KIAA0753: variants seen among roughly 807,000 people sequenced by gnomAD.
The protein encoded by KIAA0753 is protein moonraker.
KIAA0753 carries 114 observed loss-of-function variants against 116.9 expected under a neutral mutation model. The observed-to-expected ratio is 0.98, with a 90% CI of 0.84 to 1.14. The LOEUF is 1.14. KIAA0753 is among the 50% of genes most tolerant of loss of function. The probability of loss-of-function intolerance (pLI) is 0.00; values close to 1 mark genes in which losing one functional copy is unlikely to be tolerated. For synonymous variants in KIAA0753, 405 were observed against 413.1 expected (o/e 0.98, Z 0.24); for missense variants, 1,156 against 1,172.4 (o/e 0.99, Z 0.20).
intron 1 of KIAA0753, chr17:6,640,059 C>A (rs952904829): frequency 6.5e-6 from 1 of 152,868 alleles, no homozygotes; most frequent in African/African-American, 2.4e-5. Flanking sequence ...CGGCTGTCTC[C>A]GCCGCTTGTC....
intron 16 of KIAA0753, 28 bp from the exon 17 acceptor site, chr17:6,590,658 G>A: frequency 6.2e-7 from 1 of 1,611,774 alleles, no homozygotes; most frequent in Non-Finnish European, 8.5e-7. Flanking sequence ...TAAAATGACT[G>A]CATATAAAGA....
chr17:6,639,791 T>G lies in KIAA0753; in HGVS notation c.-69+846A>C, dbSNP rs1972545831. ...TCCCCACATCCCGAGGCGGCCCTCA[T>G]AGCCTGCACCTTCAGCCACAGGTGC... On this transcript the variant is annotated intron_variant, in intron 1 of 18. Coordinates refer to ENST00000361413, the MANE Select transcript of KIAA0753 (RefSeq NM_014804.3). This position sits in a 1 kb window ranked among gnomAD's most constrained non-coding sequence, Gnocchi z 4.3. The G allele has an allele frequency of 6.6e-6, 1 of 152,658 alleles. No individual in the cohort carries two copies. The highest frequency in any genetic ancestry group is 1.5e-5 in the Non-Finnish European group (1 of 68,108). 9.5% of individuals were successfully genotyped at this position (152,658 alleles called of 1,614,324 possible).
intron 16 of KIAA0753, among the ~76,000 whole-genome samples, chr17:6,592,129 TGGA>T (rs1969114703): frequency 6.6e-6 from 1 of 152,112 alleles, no homozygotes; most frequent in South Asian, 2.1e-4. Flanking sequence ...AAATAGAGGC[TGGA>T]GGAGGATTGA....
intron 18 of KIAA0753, among the ~76,000 whole-genome samples, chr17:6,583,817 C>T (rs181675607): frequency 3.3e-5 from 5 of 152,216 alleles, no homozygotes; most frequent in Admixed American, 6.5e-5. Flanking sequence ...TTGTATCTGC[C>T]GTAGGTCTGT....
rs190190456 is a variant in KIAA0753, at chr17:6,625,621, C to T, written c.719-760G>A. ...GGCGGAGGTTGCAGTGAGCTGAGAT[C>T]GCACCACTACACTCCAGCCTGGGTG... On this transcript the variant is annotated intron_variant, in intron 3 of 18. Transcript: ENST00000361413. Among the ~76,000 whole-genome samples, 52 of 151,646 alleles carry T rather than the reference C, an allele frequency of 3.4e-4. No homozygotes were observed. The East Asian group carries it at 7.2e-3, about 21-fold the overall frequency.
At chr17:6,602,520 G>A (rs1300810864) in intron 12 of KIAA0753, among the ~76,000 whole-genome samples, 1 of 152,184 alleles carries the variant, frequency 6.6e-6, no homozygotes, top group African/African-American at 2.4e-5. Context: ...ACACAATGGG[G>A]TAGATCTTGA....
intron 12 of KIAA0753, among the ~76,000 whole-genome samples, chr17:6,602,268 AT>A: frequency 6.6e-6 from 1 of 152,360 alleles, no homozygotes; most frequent in African/African-American, 2.4e-5. Flanking sequence ...ACTCCTAGGC[AT>A]TTACCCAAGA....
chr17:6,610,560 G>GCC (rs1970475140), intron 8 of KIAA0753, among the ~76,000 whole-genome samples: 1 of 102,912 alleles, frequency 9.7e-6, no homozygotes, highest in African/African-American at 3.9e-5. Context: ...TTGCTCTGTT[G>GCC]CCTAGGCTGG....
At chr17:6,626,902 T>G (rs1971702469) in intron 3 of KIAA0753, among the ~76,000 whole-genome samples, 1 of 152,232 alleles carries the variant, frequency 6.6e-6, no homozygotes, top group Non-Finnish European at 1.5e-5. Flanking sequence ...GTGGGCCTTG[T>G]GGCTTTGTTC....
In KIAA0753 at chr17:6,578,748, A is replaced by T. The variant is rs1967935243; in HGVS notation, c.*999T>A. 6.6e-6 allele frequency: 1 copy of T among 152,226 alleles called. No homozygotes were observed. The highest frequency in any genetic ancestry group is 2.4e-5 in the African/African-American group (1 of 41,462). The allele number at this position is 152,226 out of a possible 1,614,324, so 9.4% of individuals were successfully genotyped here. A position where few individuals can be genotyped will look rare whatever the true frequency, so the allele number is the denominator to read the frequency against. On this transcript the variant is annotated 3_prime_UTR_variant, in exon 19 of 19. Coordinates refer to ENST00000361413, the MANE Select transcript of KIAA0753 (RefSeq NM_014804.3). Reference sequence around the variant, plus strand: ...CCAGGCAGTGGCCTGATTCTTACGCACATTCCGTTTCTTTTTCTGAATTCA... The same window carrying T: ...CCAGGCAGTGGCCTGATTCTTACGCTCATTCCGTTTCTTTTTCTGAATTCA...
chr17:6,607,497 G>A (rs903864899), intron 10 of KIAA0753, among the ~76,000 whole-genome samples: 29 of 152,152 alleles, frequency 1.9e-4, no homozygotes, highest in Admixed American at 1.4e-3. Context: ...TGTCTCAAAC[G>A]TTCTCAAGAA....
Position 6,590,550 on chromosome 17 carries a change from G to T in KIAA0753, c.2521C>A (p.Pro841Thr), listed in dbSNP as rs761644567. The T allele has an allele frequency of 2.5e-6, 4 of 1,613,962 alleles. No homozygotes were observed. The highest frequency in any genetic ancestry group is 3.4e-6 in the Non-Finnish European group (4 of 1,179,954). The change falls in exon 17 of 19, where the codon CCA (proline) becomes ACA (threonine). Residue 841 changes from proline (P) to threonine (T), a missense_variant. Physicochemically the swap from Pro to Thr is conservative, Grantham distance 38. Coordinates refer to ENST00000361413, the MANE Select transcript of KIAA0753 (RefSeq NM_014804.3). ...RITKTVDRKD[P>T]AVNIMLERPC... The stretch of plus-strand genomic sequence containing the variant: ...CTTTCTAACATGATGTTCACGGCTG[G>T]ATCCTTGCGATCCACTGTCTTCGTG...
intron 3 of KIAA0753, among the ~76,000 whole-genome samples, chr17:6,626,373 C>T (rs1019090021): frequency 6.6e-6 from 1 of 152,188 alleles, no homozygotes; most frequent in Non-Finnish European, 1.5e-5. Context: ...GAGTATAAGG[C>T]TGTTTTGAAG....
chr17:6,599,470 T>C (rs1245407570), intron 13 of KIAA0753, 150 bp from the exon 14 acceptor site: 6 of 607,612 alleles, frequency 9.9e-6, no homozygotes, highest in Admixed American at 8.4e-5. Flanking sequence ...GCACTTTGTC[T>C]TCATGGAAAC....
chr17:6,624,432 T>C (rs1971522972), intron 4 of KIAA0753, among the ~76,000 whole-genome samples: 2 of 152,100 alleles, frequency 1.3e-5, no homozygotes, highest in South Asian at 2.1e-4. Context: ...AAATATGTGC[T>C]ATATAATGTA....
intron 16 of KIAA0753, 129 bp from the exon 17 acceptor site, chr17:6,590,759 G>T: frequency 1.2e-6 from 1 of 839,994 alleles, no homozygotes; most frequent in Non-Finnish European, 1.9e-6. Flanking sequence ...GGGTTGGCTA[G>T]CAGTGCAATG....
chr17:6,604,071 T>C (rs905545600), intron 12 of KIAA0753, among the ~76,000 whole-genome samples: 48 of 152,184 alleles, frequency 3.2e-4, no homozygotes, highest in Admixed American at 1.4e-3. Context: ...GAAAACAGTA[T>C]GGCAGTTTGG....
chr17:6,610,516 CTTTT>C (rs71157206), intron 8 of KIAA0753, among the ~76,000 whole-genome samples: 17 of 113,442 alleles, frequency 1.5e-4, no homozygotes, highest in African/African-American at 5.8e-4. Context: ...TTTTCTTTCT[CTTTT>C]TTTTTTTTTT....
chr17:6,625,673 G>C (rs538646483), intron 3 of KIAA0753, among the ~76,000 whole-genome samples: 2 of 135,768 alleles, frequency 1.5e-5, no homozygotes, highest in Non-Finnish European at 3.4e-5. Flanking sequence ...TTAAAAAAGA[G>C]AAGAATTAAA....
Sources: gnomAD v4.1 joint callset for allele counts (sites outside exome capture counted in the v4.1 genomes callset) on GRCh38, gnomAD v4.1.1 for gene constraint, Gnocchi (gnomAD v3.1) non-coding constraint, MANE v1.5 for transcripts, NCBI Gene and HGNC (gene_info 2026-07-23, HGNC 2026-07-21) for gene names.